Variants in TMEM232 observed in about 807,000 individuals in gnomAD.
The protein encoded by TMEM232 is transmembrane protein 232.
TMEM232 carries 80 observed loss-of-function variants against 78.8 expected under a neutral mutation model. The observed-to-expected ratio is 1.01, with a 90% CI of 0.85 to 1.22. The LOEUF is 1.22. TMEM232 is among the 50% of genes most tolerant of loss of function. The probability of loss-of-function intolerance (pLI) is 0.00; values close to 1 mark genes in which losing one functional copy is unlikely to be tolerated. For missense variants in TMEM232, 881 were observed against 742.2 expected, an observed-to-expected ratio of 1.19 and a Z score of -2.17; for synonymous variants, 297 against 254.3, an observed-to-expected ratio of 1.17 and a Z score of -1.60.
chr5:110,724,668 G>T (rs1349521528), intron 1 of TMEM232, among the ~76,000 whole-genome samples: 2 of 151,982 alleles, frequency 1.3e-5, no homozygotes, highest in Non-Finnish European at 1.5e-5. Context: ...CATTTAACTG[G>T]CCTTCTGCAG....
intron 7 of TMEM232, among the ~76,000 whole-genome samples, chr5:110,623,734 G>A (rs866065182): frequency 8.5e-5 from 13 of 152,048 alleles, no homozygotes; most frequent in Admixed American, 4.6e-4. Flanking sequence ...TATATTTATA[G>A]TCTTTATATT....
chr5:110,692,420 G>T (rs1439108617), intron 1 of TMEM232, among the ~76,000 whole-genome samples: 1 of 152,192 alleles, frequency 6.6e-6, no homozygotes, highest in South Asian at 2.1e-4. Context: ...GAGGTACCGG[G>T]TTCATCTCAC....
intron 12 of TMEM232, among the ~76,000 whole-genome samples, chr5:110,428,684 TCTC>T (rs1220050647): frequency 6.6e-6 from 1 of 151,398 alleles, no homozygotes; most frequent in East Asian, 1.9e-4. Context: ...GTTTAATTTC[TCTC>T]CTCCACTGCA....
chr5:110,657,611 G>A (rs1454151729), intron 2 of TMEM232, among the ~76,000 whole-genome samples: 1 of 152,064 alleles, frequency 6.6e-6, no homozygotes, highest in African/African-American at 2.4e-5. Context: ...GAGGTTGGAG[G>A]GAACTGGGAG....
chr5:110,520,948 G>A (rs1467086468), intron 12 of TMEM232, among the ~76,000 whole-genome samples: 1 of 152,082 alleles, frequency 6.6e-6, no homozygotes, highest in Non-Finnish European at 1.5e-5. Flanking sequence ...ATGATCTGCT[G>A]TTCCAATTCT....
intron 1 of TMEM232, among the ~76,000 whole-genome samples, chr5:110,709,207 T>C (rs948567684): frequency 6.6e-6 from 1 of 152,096 alleles, no homozygotes; most frequent in Admixed American, 6.6e-5. Flanking sequence ...TATATGCACC[T>C]AAAACTGGAG....
At chr5:110,716,918 T>C (rs536151645) in intron 1 of TMEM232, among the ~76,000 whole-genome samples, 1 of 152,272 alleles carries the variant, frequency 6.6e-6, no homozygotes, top group East Asian at 1.9e-4. Flanking sequence ...CAGGATAAAC[T>C]GGACAGTAAT....
At chr5:110,668,046 C>T (rs895398877) in intron 1 of TMEM232, among the ~76,000 whole-genome samples, 1 of 152,054 alleles carries the variant, frequency 6.6e-6, no homozygotes, top group Non-Finnish European at 1.5e-5. Context: ...GTCATATCTA[C>T]ACTGCATTAT....
chr5:110,654,876 T>C (rs1218861851), intron 2 of TMEM232, among the ~76,000 whole-genome samples: 1 of 152,188 alleles, frequency 6.6e-6, no homozygotes, highest in Non-Finnish European at 1.5e-5. Flanking sequence ...CCCTTGTAAG[T>C]TGGATTCCTA....
intron 1 of TMEM232, among the ~76,000 whole-genome samples, chr5:110,697,023 C>T (rs1248682634): frequency 6.6e-6 from 1 of 152,188 alleles, no homozygotes; most frequent in Non-Finnish European, 1.5e-5. Flanking sequence ...AAGCTGGAGG[C>T]ATCACGCTAC....
At chr5:110,473,107 G>T (rs1762862189) in intron 12 of TMEM232, among the ~76,000 whole-genome samples, 1 of 147,344 alleles carries the variant, frequency 6.8e-6, no homozygotes, top group Admixed American at 6.8e-5. Flanking sequence ...ATCAAACTAA[G>T]AAACTTCTAC....
chr5:110,492,619 A>G (rs912004852), intron 12 of TMEM232, among the ~76,000 whole-genome samples: 1 of 151,952 alleles, frequency 6.6e-6, no homozygotes, highest in African/African-American at 2.4e-5. Flanking sequence ...AAAAGACACT[A>G]TTATTGCTTC....
intron 12 of TMEM232, among the ~76,000 whole-genome samples, chr5:110,491,556 A>C (rs1765099470): frequency 6.6e-6 from 1 of 152,048 alleles, no homozygotes; most frequent in Non-Finnish European, 1.5e-5. Flanking sequence ...AGATTAATCA[A>C]AATAATCTGA....
intron 2 of TMEM232, among the ~76,000 whole-genome samples, chr5:110,406,233 C>T (rs963692536): frequency 6.8e-6 from 1 of 147,482 alleles, no homozygotes; most frequent in Non-Finnish European, 1.5e-5. Context: ...TTATATAATT[C>T]AACTTTCATC....
intron 11 of TMEM232, among the ~76,000 whole-genome samples, chr5:110,564,537 TA>T (rs1371821219): frequency 6.6e-6 from 1 of 152,014 alleles, no homozygotes; most frequent in Non-Finnish European, 1.5e-5. Context: ...ATGGAAAACT[TA>T]AAAGTAAGAT....
intron 7 of TMEM232, among the ~76,000 whole-genome samples, chr5:110,622,992 TAATAAATA>T (rs146087253): frequency 0.054 from 8,034 of 148,946 alleles, 698 homozygotes; most frequent in African/African-American, 0.19. Flanking sequence ...TAAAGTATAA[TAATAAATA>T]AATAAATAAA....
intron 1 of TMEM232, among the ~76,000 whole-genome samples, chr5:110,688,928 T>G: frequency 6.6e-6 from 1 of 152,116 alleles, no homozygotes; most frequent in Non-Finnish European, 1.5e-5. Context: ...TCAACCCAGC[T>G]CTCCAGACAC....
intron 12 of TMEM232, among the ~76,000 whole-genome samples, chr5:110,429,357 G>A (rs1393252692): frequency 6.6e-6 from 1 of 151,732 alleles, no homozygotes; most frequent in African/African-American, 2.4e-5. Context: ...ACAGTTCAAG[G>A]ATGAGAAATG....
intron 10 of TMEM232, among the ~76,000 whole-genome samples, chr5:110,580,118 CA>C (rs926723440): frequency 6.6e-6 from 1 of 151,496 alleles, no homozygotes; most frequent in African/African-American, 2.4e-5. Context: ...AAAGATATAA[CA>C]ATTATAAATA....
Sources: allele counts gnomAD v4.1 joint callset (sites outside exome capture counted in the v4.1 genomes callset), GRCh38; gene constraint gnomAD v4.1.1; transcripts MANE v1.5; gene names NCBI Gene and HGNC (gene_info 2026-07-23, HGNC 2026-07-21).